Variants in DPYD observed in about 807,000 individuals in gnomAD.
DPYD encodes the protein dihydropyrimidine dehydrogenase.
In DPYD, 109 loss-of-function variants were observed where a neutral mutation model predicts 116.2. The observed-to-expected ratio is 0.94, with a 90% confidence interval of 0.80 to 1.10. DPYD has a LOEUF of 1.10. Ranked by LOEUF, DPYD falls within the 50% of genes least tolerant of loss-of-function variation. The pLI is 0.00. For missense variants in DPYD, 1,302 were observed against 1,254.5 expected, an observed-to-expected ratio of 1.04 and a Z score of -0.57; for synonymous variants, 440 against 432.0, an observed-to-expected ratio of 1.02 and a Z score of -0.23.
intron 2 of DPYD, among the ~76,000 whole-genome samples, chr1:97,850,797 T>C (rs1670532950): frequency 1.3e-5 from 2 of 152,112 alleles, no homozygotes; most frequent in Non-Finnish European, 2.9e-5. Flanking sequence ...GTGATTTTTG[T>C]ACTTCATTGC....
intron 8 of DPYD, among the ~76,000 whole-genome samples, chr1:97,607,890 A>T (rs2100740633): frequency 6.6e-6 from 1 of 152,118 alleles, no homozygotes; most frequent in African/African-American, 2.4e-5. Flanking sequence ...TTTCAGTACA[A>T]TACATGGCCA....
At chr1:97,112,024 G>C (rs1303773867) in intron 20 of DPYD, among the ~76,000 whole-genome samples, 2 of 151,870 alleles carry the variant, frequency 1.3e-5, no homozygotes, top group Non-Finnish European at 2.9e-5. Flanking sequence ...GCACTTAATA[G>C]GCCTCTTTGC....
chr1:97,687,878 G>GA (rs1041420431), intron 7 of DPYD, among the ~76,000 whole-genome samples: 16 of 152,084 alleles, frequency 1.1e-4, no homozygotes, highest in African/African-American at 3.9e-4. Flanking sequence ...CACAGAAATG[G>GA]AAAACCAAAC....
At chr1:97,173,172 A>G (rs1357675844) in intron 20 of DPYD, among the ~76,000 whole-genome samples, 2 of 151,542 alleles carry the variant, frequency 1.3e-5, no homozygotes, top group Admixed American at 1.3e-4. Context: ...ATATATGTAC[A>G]CATGTATACA....
intron 2 of DPYD, 97 bp from the exon 3 acceptor site, chr1:97,828,293 G>T: frequency 8.8e-7 from 1 of 1,133,088 alleles, no homozygotes; most frequent in Non-Finnish European, 1.3e-6. Flanking sequence ...TATTGATCAT[G>T]GACTCATGAA....
chr1:97,254,739 C>T (rs1274866997), intron 18 of DPYD, among the ~76,000 whole-genome samples: 1 of 152,114 alleles, frequency 6.6e-6, no homozygotes, highest in Non-Finnish European at 1.5e-5. Context: ...TGGCTCATGA[C>T]TTATGAAGTG....
chr1:97,242,961 T>G (rs1054486041), intron 18 of DPYD, among the ~76,000 whole-genome samples: 3 of 151,892 alleles, frequency 2.0e-5, no homozygotes, highest in African/African-American at 7.2e-5. Flanking sequence ...GGGCTTATCC[T>G]ATGTAGCAAA....
intron 6 of DPYD, 40 bp from the exon 7 acceptor site, chr1:97,691,838 A>C: frequency 6.5e-7 from 1 of 1,538,476 alleles, no homozygotes; most frequent in Non-Finnish European, 9.0e-7. Context: ...ATCAGTAGAA[A>C]AATGACCAAT....
intron 19 of DPYD, among the ~76,000 whole-genome samples, chr1:97,227,366 G>GAAAGA (rs1553237438): frequency 1.6e-5 from 2 of 127,540 alleles, no homozygotes; most frequent in East Asian, 2.3e-4. Flanking sequence ...AAGAAAGAAA[G>GAAAGA]AAAAAAGAAA....
chr1:97,919,220 C>T (rs1414223648), intron 1 of DPYD, among the ~76,000 whole-genome samples: 2 of 152,142 alleles, frequency 1.3e-5, no homozygotes, highest in Non-Finnish European at 2.9e-5. Flanking sequence ...CACATATGAA[C>T]TACATAAGAG....
In DPYD at chr1:97,252,245, G is replaced by A. The variant is rs116177057; in HGVS notation, c.2300-17251C>T. 9.7e-3 allele frequency among the ~76,000 whole-genome samples: 1,469 copies of A among 152,224 alleles called. 31 individuals carry two copies. Among genetic ancestry groups the A allele is most frequent in the African/African-American group, 0.033 (1,390 of 41,510 alleles). ...TTACTTTGTCTACTGGCATGGATATGCAGGCAAATTGGCCAGTGTGCAACC... is the reference window on the plus strand; with the variant it reads ...TTACTTTGTCTACTGGCATGGATATACAGGCAAATTGGCCAGTGTGCAACC... On this transcript the variant is annotated intron_variant, in intron 18 of 22. Coordinates refer to ENST00000370192, the MANE Select transcript of DPYD (RefSeq NM_000110.4).
intron 14 of DPYD, among the ~76,000 whole-genome samples, chr1:97,395,172 T>C (rs987790389): frequency 3.3e-5 from 5 of 150,290 alleles, no homozygotes; most frequent in Non-Finnish European, 5.9e-5. Context: ...ATATATTTTA[T>C]ATATTTTTAA....
intron 18 of DPYD, among the ~76,000 whole-genome samples, chr1:97,262,589 C>T (rs1663959150): frequency 6.6e-6 from 1 of 151,966 alleles, no homozygotes; most frequent in Non-Finnish European, 1.5e-5. Context: ...ATCTTTATTT[C>T]TTTTATGATC....
intron 20 of DPYD, among the ~76,000 whole-genome samples, chr1:97,138,205 T>C (rs564799620): frequency 1.3e-5 from 2 of 152,260 alleles, no homozygotes; most frequent in Non-Finnish European, 2.9e-5. Context: ...TGTTTCTATA[T>C]GAGAATGGCA....
At chr1:97,390,375 G>A (rs914534478) in intron 14 of DPYD, among the ~76,000 whole-genome samples, 10 of 151,964 alleles carry the variant, frequency 6.6e-5, no homozygotes, top group Non-Finnish European at 1.0e-4. Flanking sequence ...AACAGCATGA[G>A]ACATTTGATT....
intron 2 of DPYD, among the ~76,000 whole-genome samples, chr1:97,874,728 G>C (rs567487966): frequency 6.6e-6 from 1 of 151,906 alleles, no homozygotes; most frequent in East Asian, 2.0e-4. Flanking sequence ...AATTTCCAGT[G>C]CTATGGAAAG....
At chr1:97,566,944 G>C (rs1020599203) in intron 11 of DPYD, among the ~76,000 whole-genome samples, 1 of 152,104 alleles carries the variant, frequency 6.6e-6, no homozygotes, top group East Asian at 1.9e-4. Flanking sequence ...CTGATTCCAG[G>C]TCTTTTAAAA....
intron 2 of DPYD, among the ~76,000 whole-genome samples, chr1:97,853,942 GA>G (rs1256916040): frequency 6.6e-6 from 1 of 151,702 alleles, no homozygotes; most frequent in Non-Finnish European, 1.5e-5. Context: ...TCTCATATAA[GA>G]AAAAAAATGA....
intron 8 of DPYD, among the ~76,000 whole-genome samples, chr1:97,670,906 G>T (rs1659827263): frequency 1.3e-5 from 2 of 151,824 alleles, no homozygotes; most frequent in South Asian, 4.2e-4. Context: ...CTCTAATTTA[G>T]GTAACTACCA....
Sources: allele counts gnomAD v4.1 joint callset (sites outside exome capture counted in the v4.1 genomes callset), GRCh38; gene constraint gnomAD v4.1.1; transcripts MANE v1.5; gene names NCBI Gene and HGNC (gene_info 2026-07-23, HGNC 2026-07-21).